Variants in JHY observed in about 807,000 individuals in gnomAD.
JHY encodes jhy protein homolog.
Under a neutral mutation model 78.0 loss-of-function variants are expected in JHY, and 69 were observed. That is an observed-to-expected ratio of 0.88 (90% CI 0.73 to 1.08). The LOEUF (loss-of-function observed/expected upper bound fraction) is 1.08. JHY is among the 50% of genes least tolerant of loss of function. The pLI is 0.00. For missense variants in JHY, 944 were observed against 927.8 expected, an observed-to-expected ratio of 1.02 and a Z score of -0.23; for synonymous variants, 368 against 342.6, an observed-to-expected ratio of 1.07 and a Z score of -0.82.
chr11:122,908,051 T>C (rs1310252359), intron 3 of JHY, among the ~76,000 whole-genome samples: 1 of 152,146 alleles, frequency 6.6e-6, no homozygotes, highest in Non-Finnish European at 1.5e-5. Context: ...TTAAAAAGTA[T>C]TGATTCCCTA....
At chr11:122,943,205 T>C (rs1281998386) in intron 5 of JHY, among the ~76,000 whole-genome samples, 1 of 152,248 alleles carries the variant, frequency 6.6e-6, no homozygotes, top group Non-Finnish European at 1.5e-5. Flanking sequence ...TCCATTATGA[T>C]TGCCTCTTGG....
intron 4 of JHY, among the ~76,000 whole-genome samples, chr11:122,933,473 G>C (rs185420035): frequency 3.5e-4 from 54 of 152,204 alleles, no homozygotes; most frequent in Non-Finnish European, 6.2e-4. Context: ...AATGGCAATA[G>C]CACAATATAG....
intron 4 of JHY, among the ~76,000 whole-genome samples, chr11:122,926,426 A>G (rs1420116976): frequency 1.3e-5 from 2 of 152,146 alleles, no homozygotes; most frequent in African/African-American, 4.8e-5. Context: ...CCTGAGCTTC[A>G]GAGAGGTTAG....
At chr11:122,958,737 A>G (rs561135623) in intron 8 of JHY, 1 of 985,076 alleles carries the variant, frequency 1.0e-6, no homozygotes, top group Non-Finnish European at 1.2e-6. Flanking sequence ...CAGCGTCTAG[A>G]TTGCTATAGA....
At chr11:122,893,724 G>T (rs1194954777) in intron 2 of JHY, among the ~76,000 whole-genome samples, 2 of 151,960 alleles carry the variant, frequency 1.3e-5, no homozygotes, top group African/African-American at 2.4e-5. Flanking sequence ...TTTAATATAT[G>T]GAATTAAAAA....
chr11:122,884,228 G>A (rs1158465588), intron 1 of JHY, among the ~76,000 whole-genome samples: 1 of 152,062 alleles, frequency 6.6e-6, no homozygotes, highest in Non-Finnish European at 1.5e-5. Context: ...GTTCCCTTTT[G>A]CCTGTTGTTT....
At chr11:122,953,042 A>G (rs891278485) in intron 6 of JHY, among the ~76,000 whole-genome samples, 1 of 152,256 alleles carries the variant, frequency 6.6e-6, no homozygotes, top group Non-Finnish European at 1.5e-5. Flanking sequence ...TTGTGGCTCC[A>G]TTGTTAGTGG....
At chr11:122,884,934 G>A (rs1268310303) in intron 1 of JHY, among the ~76,000 whole-genome samples, 2 of 151,660 alleles carry the variant, frequency 1.3e-5, no homozygotes, top group African/African-American at 4.8e-5. Context: ...CGAGTAGCTG[G>A]GACTACAGGC....
intron 3 of JHY, among the ~76,000 whole-genome samples, chr11:122,906,669 G>C (rs1471803967): frequency 2.6e-5 from 4 of 152,108 alleles, no homozygotes; most frequent in African/African-American, 9.7e-5. Context: ...AATAATAAAA[G>C]GGAAAAATAT....
At chr11:122,897,965 T>A (rs1004987829) in intron 2 of JHY, among the ~76,000 whole-genome samples, 3 of 152,240 alleles carry the variant, frequency 2.0e-5, no homozygotes, top group Admixed American at 6.5e-5. Context: ...CATAGAACAG[T>A]GGAGTTGGAA....
At chr11:122,924,839 A>T in intron 3 of JHY, 58 bp from the exon 4 acceptor site, 1 of 1,387,510 alleles carries the variant, frequency 7.2e-7, no homozygotes, top group Non-Finnish European at 1.0e-6. Context: ...CTTGAGTCCC[A>T]TGGCTCTAAG....
chr11:122,903,775 C>T (rs1369692800), intron 2 of JHY, 150 bp from the exon 3 acceptor site: 55 of 1,133,532 alleles, frequency 4.9e-5, no homozygotes, highest in East Asian at 1.7e-4. Context: ...AGCCACTGCA[C>T]GCTGCTGGGA....
intron 2 of JHY, among the ~76,000 whole-genome samples, chr11:122,902,323 G>A (rs936771174): frequency 4.0e-5 from 6 of 151,654 alleles, no homozygotes; most frequent in Non-Finnish European, 8.8e-5. Context: ...AAATTAGCCC[G>A]ACATGTTAAA....
At chr11:122,905,584 G>A (rs1469371380) in intron 3 of JHY, 8 of 1,011,962 alleles carry the variant, frequency 7.9e-6, no homozygotes, top group Admixed American at 1.2e-4. Flanking sequence ...AAAGAATTAC[G>A]TCTGGTGGCA....
At chr11:122,936,199 A>C (rs907387756) in intron 5 of JHY, among the ~76,000 whole-genome samples, 1 of 152,204 alleles carries the variant, frequency 6.6e-6, no homozygotes, top group Non-Finnish European at 1.5e-5. Flanking sequence ...CATACCTAAC[A>C]TACTGAATAT....
intron 5 of JHY, among the ~76,000 whole-genome samples, chr11:122,943,860 T>C (rs1303735856): frequency 1.3e-5 from 2 of 152,196 alleles, no homozygotes; most frequent in Admixed American, 6.6e-5. Context: ...TTTTAAGTAG[T>C]GTGTTGGATT....
At chr11:122,912,553 C>T (rs1162524975) in intron 3 of JHY, among the ~76,000 whole-genome samples, 5 of 152,088 alleles carry the variant, frequency 3.3e-5, no homozygotes, top group Non-Finnish European at 7.4e-5. Flanking sequence ...CAGCATAGCC[C>T]GTATTAGCTC....
rs561319017 is a variant in JHY at position 122,924,028 on chromosome 11, C to T, written c.865-869C>T. Among the ~76,000 whole-genome samples the T allele has an allele frequency of 1.7e-4, 26 of 151,724 alleles. 1 individual carries two copies. In the East Asian group the frequency reaches 3.1e-3, roughly 18 times the overall value. On this transcript the variant is annotated intron_variant, in intron 3 of 8. Transcript: ENST00000227349. ...CCGGGATTATAGGTGTGAGCCACTG[C>T]GCCTGGACTTTTTAAATTTTTTTAA...
intron 4 of JHY, among the ~76,000 whole-genome samples, chr11:122,928,850 G>T (rs527325221): frequency 6.6e-6 from 1 of 151,974 alleles, no homozygotes. Flanking sequence ...GGGTTTCACC[G>T]TGTTAGCCAG....
Sources: allele counts gnomAD v4.1 joint callset (sites outside exome capture counted in the v4.1 genomes callset), GRCh38; gene constraint gnomAD v4.1.1; transcripts MANE v1.5; gene names NCBI Gene and HGNC (gene_info 2026-07-23, HGNC 2026-07-21).